RFPL4AL1: variants seen among roughly 807,000 people sequenced by gnomAD.
RFPL4AL1 encodes the protein ret finger protein like 4A like 1.
A neutral mutation model predicts 8.2 loss-of-function variants in RFPL4AL1; 2 were observed. That is an observed-to-expected ratio of 0.24 (90% confidence interval 0.10 to 0.77). The LOEUF is 0.77. Ranked by LOEUF, RFPL4AL1 falls within the 30% of genes least tolerant of loss-of-function variation. The pLI is 0.72. For synonymous variants in RFPL4AL1, 25 were observed against 131.8 expected (o/e 0.19, Z 5.55); for missense variants, 57 against 350.3 (o/e 0.16, Z 6.68).
rs776612931 is a variant in RFPL4AL1, at chr19:55,772,001, A to G, written c.197A>G (p.Lys66Arg). 1 of 1,522,234 alleles carries G rather than the reference A, an allele frequency of 6.6e-7. No homozygotes were observed. The highest frequency in any genetic ancestry group is 8.9e-7 in the Non-Finnish European group (1 of 1,127,858). 94.3% of individuals were successfully genotyped at this position (1,522,234 alleles called of 1,614,324 possible). A position where few individuals can be genotyped will look rare whatever the true frequency, so the allele number is the denominator to read the frequency against. The change falls in exon 2 of 3, where the codon AAG (lysine) becomes AGG (arginine). Residue 66 changes from lysine to arginine, a missense_variant. By Grantham distance (26) the Lys-to-Arg change is conservative. Transcript: ENST00000341750. The stretch of plus-strand genomic sequence containing the variant: ...AAGGATGACATCAAGCCCAAGTACA[A>G]GCTGAGGGCGCTGGTTTCCATCATC... ...SQKDDIKPKY[K>R]LRALVSIIKE... is the part of the protein sequence containing the mutation.
chr19:55,771,652 G>T, intron 1 of RFPL4AL1, 144 bp from the exon 2 acceptor site: 1 of 1,007,134 alleles, frequency 9.9e-7, no homozygotes, highest in East Asian at 2.9e-5. Flanking sequence ...TTGTATTCAT[G>T]TTGTGTCTTC....
At chr19:55,772,169 A>G (rs1479678465) in intron 2 of RFPL4AL1, 79 bp downstream of exon 2, 1 of 1,384,472 alleles carries the variant, frequency 7.2e-7, no homozygotes, top group Non-Finnish European at 9.8e-7. Context: ...CATTAAACAT[A>G]GGCATTAGCA....
At chr19:55,771,079 G>GTTTTTTTTTTTTTTTTT (rs1243816491) in intron 1 of RFPL4AL1, among the ~76,000 whole-genome samples, 38 of 89,378 alleles carry the variant, frequency 4.3e-4, no homozygotes, top group South Asian at 6.4e-4. Flanking sequence ...TTTTAGTTCT[G>GTTTTTTTTTTTTTTTTT]TTTTTTGTTT....
intron 2 of RFPL4AL1, among the ~76,000 whole-genome samples, chr19:55,772,352 CACTA>C (rs1156461390): frequency 7.7e-6 from 1 of 130,002 alleles, no homozygotes; most frequent in South Asian, 2.3e-4. Flanking sequence ...TCAAATTATC[CACTA>C]ACTTATTTCG....
At chr19:55,771,086 G>GTA (rs1989486168) in intron 1 of RFPL4AL1, among the ~76,000 whole-genome samples, 2 of 130,386 alleles carry the variant, frequency 1.5e-5, no homozygotes, top group African/African-American at 6.1e-5. Flanking sequence ...TCTGTTTTTT[G>GTA]TTTTTTTTTT....
chr19:55,772,207 C>A (rs1182718112), intron 2 of RFPL4AL1, 117 bp downstream of exon 2: 4 of 649,968 alleles, frequency 6.2e-6, no homozygotes, highest in African/African-American at 1.9e-5. Flanking sequence ...AACTTCCATG[C>A]TTCACAAACA....
At position 55,772,937 on chromosome 19, in the gene RFPL4AL1, T is replaced by C. The variant is rs1600162957; in HGVS notation, c.622T>C (p.Trp208Arg). Reference sequence around the variant, plus strand: ...CAGCACTGTGCCTATGACTCCTCTCTGGGTGAGTCCCCAGTTGCACAGAGT... The same window carrying C: ...CAGCACTGTGCCTATGACTCCTCTCCGGGTGAGTCCCCAGTTGCACAGAGT... ...AASTVPMTPL[W>R]VSPQLHRVGI... The change falls in exon 3 of 3, where the codon TGG (tryptophan) becomes CGG (arginine). Residue 208 changes from tryptophan (W) to arginine (R), a missense_variant. Coordinates refer to ENST00000341750, the MANE Select transcript of RFPL4AL1 (RefSeq NM_001277397.2). The C allele has an allele frequency of 2.6e-6, 4 of 1,539,738 alleles. No homozygotes were observed. The East Asian group carries it at 9.8e-5, about 38-fold the overall frequency.
intron 1 of RFPL4AL1, among the ~76,000 whole-genome samples, chr19:55,771,079 G>GTTTTTTTTTT (rs1243816491): frequency 1.5e-4 from 13 of 89,520 alleles, no homozygotes; most frequent in East Asian, 3.1e-4. Context: ...TTTTAGTTCT[G>GTTTTTTTTTT]TTTTTTGTTT....
intron 1 of RFPL4AL1, among the ~76,000 whole-genome samples, chr19:55,770,739 A>G (rs1989476163): frequency 2.0e-5 from 3 of 151,916 alleles, no homozygotes; most frequent in Non-Finnish European, 4.4e-5. Flanking sequence ...TTGTCCTTGT[A>G]ATTTTAATGA....
chr19:55,770,494 A>G (rs188118841), intron 1 of RFPL4AL1, among the ~76,000 whole-genome samples: 14 of 152,096 alleles, frequency 9.2e-5, no homozygotes, highest in Admixed American at 8.5e-4. Flanking sequence ...TATTTTTGTC[A>G]GTCCTTCTAA....
intron 1 of RFPL4AL1, among the ~76,000 whole-genome samples, chr19:55,769,727 C>T (rs1213070601): frequency 3.3e-5 from 5 of 151,690 alleles, no homozygotes; most frequent in Non-Finnish European, 5.9e-5. Flanking sequence ...CTCGCTCTGT[C>T]TGCCAGGCTG....
At chr19:55,771,079 G>GTTT (rs1243816491) in intron 1 of RFPL4AL1, among the ~76,000 whole-genome samples, 2,785 of 83,872 alleles carry the variant, frequency 0.033, 9 homozygotes, top group Admixed American at 0.06. Context: ...TTTTAGTTCT[G>GTTT]TTTTTTGTTT....
rs557749455 is a variant in RFPL4AL1, at chr19:55,772,805, G to A, written c.490G>A (p.Asp164Asn). 3 of 1,549,084 alleles carry A rather than the reference G, an allele frequency of 1.9e-6. No individual in the cohort carries two copies. Among genetic ancestry groups the A allele is most frequent in the African/African-American group, 2.8e-5 (2 of 72,190 alleles). ...GGACGTGGGCACCAGCCAAGTGTGG[G>A]ATGTGGGCGTGTGCAAGGAATCTGT... The part of the protein sequence containing the change: ...EVDVGTSQVW[D>N]VGVCKESVNR... Residue 164 changes from aspartate to asparagine, a missense_variant, in exon 3 of 3, where the codon GAT becomes AAT. By Grantham distance (23) the Asp-to-Asn change is conservative. Transcript: ENST00000341750.
chr19:55,770,176 C>G (rs1169728225), intron 1 of RFPL4AL1, among the ~76,000 whole-genome samples: 8 of 152,018 alleles, frequency 5.3e-5, no homozygotes, highest in Non-Finnish European at 1.2e-4. Context: ...CACAAGGGTT[C>G]CCCTTTCTCC....
intron 1 of RFPL4AL1, among the ~76,000 whole-genome samples, chr19:55,770,796 G>T (rs1403766647): frequency 3.3e-5 from 5 of 151,896 alleles, no homozygotes; most frequent in Admixed American, 2.0e-4. Context: ...ATGTGAAATT[G>T]TCACTGGATA....
At position 55,771,956 on chromosome 19, in the gene RFPL4AL1, T is replaced by G; in HGVS notation, c.152T>G (p.Phe51Cys). 1 of 1,532,714 alleles carries G rather than the reference T, an allele frequency of 6.5e-7. No individual in the cohort carries two copies. Among genetic ancestry groups the G allele is most frequent in the Non-Finnish European group, 8.8e-7 (1 of 1,136,208 alleles). The allele number at this position is 1,532,714 out of a possible 1,614,324, so 94.9% of individuals were successfully genotyped here. ...EPDGEGLLCR[F>C]CSVVSQKDDI... ...GATGGGGAAGGTTTACTGTGCCGTT[T>G]CTGCTCTGTGGTCTCTCAGAAGGAT... is the stretch of plus-strand genomic sequence containing the variant. The change falls in exon 2 of 3, where the codon TTC becomes TGC. Residue 51 changes from phenylalanine to cysteine, a missense_variant. Coordinates refer to ENST00000341750, the MANE Select transcript of RFPL4AL1 (RefSeq NM_001277397.2).
rs116343893 is a variant in RFPL4AL1, at chr19:55,770,868, A to G, written c.-9-928A>G. 4.2e-3 allele frequency among the ~76,000 whole-genome samples: 641 copies of G among 152,018 alleles called. 10 individuals carry two copies. Among genetic ancestry groups the G allele is most frequent in the African/African-American group, 0.015 (615 of 41,438 alleles). On this transcript the variant is annotated intron_variant, in intron 1 of 2. Coordinates refer to ENST00000341750, the MANE Select transcript of RFPL4AL1 (RefSeq NM_001277397.2). ...CCTCAGTTTAAATTGCATTTCTCAGATGGTGAGTGAGGTTGAGCTTGTTCC... is the reference window on the plus strand; with the variant it reads ...CCTCAGTTTAAATTGCATTTCTCAGGTGGTGAGTGAGGTTGAGCTTGTTCC...
intron 1 of RFPL4AL1, among the ~76,000 whole-genome samples, chr19:55,769,993 C>T (rs572546591): frequency 2.6e-5 from 4 of 151,972 alleles, no homozygotes; most frequent in African/African-American, 4.8e-5. Context: ...GTGAATAATG[C>T]TGCAGAGAAC....
chr19:55,770,386 G>C (rs1181760708), intron 1 of RFPL4AL1, among the ~76,000 whole-genome samples: 1 of 151,932 alleles, frequency 6.6e-6, no homozygotes. Context: ...TGAAGTGAAA[G>C]GCAAGAAGTT....
Sources: gnomAD v4.1 joint callset for allele counts (sites outside exome capture counted in the v4.1 genomes callset) on GRCh38, gnomAD v4.1.1 for gene constraint, MANE v1.5 for transcripts, NCBI Gene and HGNC (gene_info 2026-07-23, HGNC 2026-07-21) for gene names.